Variants in CADM2 observed in about 807,000 individuals in gnomAD.
The protein encoded by CADM2 is immunoglobulin superfamily member 4D.
Under a neutral mutation model 49.8 loss-of-function variants are expected in CADM2, and 12 were observed. The observed-to-expected ratio is 0.24, with a 90% CI of 0.15 to 0.39. The LOEUF is 0.39. Ranked by LOEUF, CADM2 falls within the 10% of genes least tolerant of loss-of-function variation. CADM2 has a pLI of 1.00. For missense variants in CADM2, 378 were observed against 492.3 expected (o/e 0.77, Z 2.20); for synonymous variants, 214 against 175.4 (o/e 1.22, Z -1.74).
At chr3:85,749,474 T>G (rs1194108627) in intron 2 of CADM2, among the ~76,000 whole-genome samples, 2 of 151,990 alleles carry the variant, frequency 1.3e-5, no homozygotes, top group Non-Finnish European at 2.9e-5. Context: ...TTTAATGAAG[T>G]ACAAATCAAT....
intron 1 of CADM2, among the ~76,000 whole-genome samples, chr3:85,613,828 C>T (rs2063735374): frequency 6.6e-6 from 1 of 151,522 alleles, no homozygotes. Context: ...TGATTAGTCT[C>T]TGAAGTCTGA....
chr3:85,692,773 A>C (rs113364248), intron 1 of CADM2, among the ~76,000 whole-genome samples: 4 of 152,192 alleles, frequency 2.6e-5, no homozygotes, highest in Admixed American at 2.6e-4. Flanking sequence ...TTTTTATCAC[A>C]TAAGAAATAT....
At chr3:85,554,345 C>CGCA (rs2061894666) in intron 1 of CADM2, among the ~76,000 whole-genome samples, 1 of 152,126 alleles carries the variant, frequency 6.6e-6, no homozygotes, top group African/African-American at 2.4e-5. Context: ...CTTGCTGGCC[C>CGCA]GCAGCGCACC....
At chr3:85,342,930 A>T (rs1453053621) in intron 1 of CADM2, among the ~76,000 whole-genome samples, 1 of 152,196 alleles carries the variant, frequency 6.6e-6, no homozygotes, top group Non-Finnish European at 1.5e-5. Flanking sequence ...ACTTCACATT[A>T]TAGAATTTCC....
At chr3:85,021,088 G>A (rs1346257644) in intron 1 of CADM2, among the ~76,000 whole-genome samples, 1 of 134,646 alleles carries the variant, frequency 7.4e-6, no homozygotes, top group African/African-American at 2.8e-5. Context: ...TTGCATTACA[G>A]CCTGGGTGAC....
intron 1 of CADM2, among the ~76,000 whole-genome samples, chr3:85,242,546 A>C (rs1318461892): frequency 1.3e-5 from 2 of 151,624 alleles, no homozygotes; most frequent in African/African-American, 4.8e-5. Context: ...ATGTTGACCA[A>C]ATTTTTGAAA....
chr3:85,063,021 T>C (rs1265417293), intron 1 of CADM2, among the ~76,000 whole-genome samples: 1 of 151,986 alleles, frequency 6.6e-6, no homozygotes, highest in African/African-American at 2.4e-5. Context: ...TTTTCAGGAA[T>C]CTCTTGTTGA....
At chr3:85,820,280 A>T (rs746445380) in intron 3 of CADM2, among the ~76,000 whole-genome samples, 1 of 152,148 alleles carries the variant, frequency 6.6e-6, no homozygotes, top group Admixed American at 6.6e-5. Flanking sequence ...GAGAGTGTTG[A>T]TCATGGGAGT....
intron 1 of CADM2, among the ~76,000 whole-genome samples, chr3:84,973,043 A>G (rs571478413): frequency 4.3e-4 from 65 of 152,150 alleles, no homozygotes; most frequent in Non-Finnish European, 6.5e-4. Flanking sequence ...CCTCCCATGT[A>G]GCTGAGACTA....
chr3:85,275,284 T>C (rs975808535), intron 1 of CADM2, among the ~76,000 whole-genome samples: 3 of 151,606 alleles, frequency 2.0e-5, no homozygotes, highest in African/African-American at 7.2e-5. Context: ...AAATGGTGTT[T>C]TATGAGTTCC....
chr3:86,062,042 CA>C (rs1738717824), intron 8 of CADM2, among the ~76,000 whole-genome samples: 1 of 151,444 alleles, frequency 6.6e-6, no homozygotes, highest in African/African-American at 2.4e-5. Flanking sequence ...CAATATTTAT[CA>C]AAAGCCTTTA....
At chr3:85,718,777 T>C (rs931707947) in intron 1 of CADM2, among the ~76,000 whole-genome samples, 22 of 151,638 alleles carry the variant, frequency 1.5e-4, no homozygotes, top group African/African-American at 5.3e-4. Context: ...TATAGATTAC[T>C]GAAATCTCAA....
At chr3:85,808,321 A>G (rs1392474693) in intron 3 of CADM2, among the ~76,000 whole-genome samples, 2 of 152,204 alleles carry the variant, frequency 1.3e-5, no homozygotes, top group Non-Finnish European at 2.9e-5. Context: ...TTTTACATAA[A>G]TCTTAGCACC....
Position 86,018,733 on chromosome 3 carries a change from A to T in CADM2, c.971-46872A>T, listed in dbSNP as rs1161638445. On this transcript the variant is annotated intron_variant, in intron 8 of 9. Transcript: ENST00000383699. ...ACTTTTTGATGGGGTTGTTTGGTTT[A>T]TTCTTGTAAATTTGTTTGAGTTCAT... 4.5e-3 allele frequency among the ~76,000 whole-genome samples: 679 copies of T among 151,864 alleles called. 3 individuals carry two copies. Among genetic ancestry groups the T allele is most frequent in the African/African-American group, 0.016 (645 of 41,310 alleles).
intron 3 of CADM2, among the ~76,000 whole-genome samples, chr3:85,831,605 T>C (rs1334684438): frequency 6.6e-6 from 1 of 152,008 alleles, no homozygotes; most frequent in African/African-American, 2.4e-5. Context: ...TTTTAAAATA[T>C]ATTTTTGGCC....
chr3:85,706,929 A>T (rs2066968485), intron 1 of CADM2, among the ~76,000 whole-genome samples: 1 of 152,124 alleles, frequency 6.6e-6, no homozygotes, highest in Admixed American at 6.6e-5. Flanking sequence ...ATGCATATGT[A>T]TCTGAATGTG....
intron 1 of CADM2, among the ~76,000 whole-genome samples, chr3:85,687,333 G>C (rs2066247758): frequency 6.6e-6 from 1 of 152,110 alleles, no homozygotes; most frequent in African/African-American, 2.4e-5. Context: ...TTTAGCCATA[G>C]TTGCTTTTGT....
At chr3:85,763,879 A>G (rs1360716008) in intron 2 of CADM2, among the ~76,000 whole-genome samples, 1 of 152,072 alleles carries the variant, frequency 6.6e-6, no homozygotes, top group Non-Finnish European at 1.5e-5. Flanking sequence ...ATTGCCTGGC[A>G]GTCTTACCAC....
intron 1 of CADM2, among the ~76,000 whole-genome samples, chr3:85,396,131 G>A (rs1361716284): frequency 6.6e-6 from 1 of 151,232 alleles, no homozygotes; most frequent in East Asian, 1.9e-4. Context: ...TTCCTTACCC[G>A]ACTGAAGATG....
Sources: gnomAD v4.1 joint callset for allele counts (sites outside exome capture counted in the v4.1 genomes callset) on GRCh38, gnomAD v4.1.1 for gene constraint, MANE v1.5 for transcripts, NCBI Gene and HGNC (gene_info 2026-07-23, HGNC 2026-07-21) for gene names.